PIEZO1: variants seen among roughly 807,000 people sequenced by gnomAD.
PIEZO1 encodes the protein piezo-type mechanosensitive ion channel component 1.
In PIEZO1, 296 loss-of-function variants were observed where a neutral mutation model predicts 297.2. That is an observed-to-expected ratio of 1.00 (90% CI 0.91 to 1.10). The LOEUF is 1.10. Among genes scored for constraint, PIEZO1 ranks in the 50% least tolerant of loss-of-function variants. PIEZO1 has a pLI of 0.00. For synonymous variants in PIEZO1, 2,427 were observed against 1,507.5 expected, an observed-to-expected ratio of 1.61 and a Z score of -14.13; for missense variants, 5,018 against 3,455.5, an observed-to-expected ratio of 1.45 and a Z score of -11.34.
At position 88,736,640 on chromosome 16, in the gene PIEZO1, A is replaced by G; in HGVS notation, c.1295T>C (p.Met432Thr). The part of the protein sequence containing the change: ...QSYVCALIAM[M>T]VWSITYHSWL... ...ACCCCAACCCCCACAGCCGCCTACC[A>G]TCATGGCAATGAGCGCGCACACATA... is the stretch of plus-strand genomic sequence containing the variant. Residue 432 changes from methionine (M) to threonine (T), a missense_variant and splice_region_variant, in exon 11 of 51, where the codon ATG becomes ACG. By Grantham distance (81) the Met-to-Thr change is moderately conservative. Coordinates refer to ENST00000301015, the MANE Select transcript of PIEZO1 (RefSeq NM_001142864.4). 8 of 1,523,822 alleles carry G rather than the reference A, an allele frequency of 5.2e-6. No individual in the cohort carries two copies. The highest frequency in any genetic ancestry group is 1.4e-5 in the African/African-American group (1 of 72,470). 94.4% of individuals were successfully genotyped at this position (1,523,822 alleles called of 1,614,324 possible).
intron 2 of PIEZO1, chr16:88,743,636 C>G (rs754845757): frequency 6.6e-6 from 3 of 456,498 alleles, no homozygotes; most frequent in South Asian, 1.5e-5. Flanking sequence ...CGGGATTGGC[C>G]TTGGACACTC....
chr16:88,784,839 G>T (rs920407541), intron 1 of PIEZO1, 62 bp downstream of exon 1: 55 of 1,235,284 alleles, frequency 4.5e-5, no homozygotes, highest in Non-Finnish European at 5.9e-5. Context: ...CCGGTGTCCA[G>T]GCCGTGGGGA....
At chr16:88,729,365 C>T (rs868677182) in intron 22 of PIEZO1, among the ~76,000 whole-genome samples, 1,866 of 41,106 alleles carry the variant, frequency 0.045, 15 homozygotes, top group African/African-American at 0.13. Flanking sequence ...CATGCTGAAC[C>T]CACAGCCCCA....
At chr16:88,775,950 G>A (rs1044811468) in intron 1 of PIEZO1, among the ~76,000 whole-genome samples, 5 of 152,220 alleles carry the variant, frequency 3.3e-5, no homozygotes, top group Non-Finnish European at 7.3e-5. Flanking sequence ...CCAGGTCACT[G>A]CAGATTAAAG....
rs1482723201 is a variant in PIEZO1 at position 88,780,001 on chromosome 16, C to T, written c.64+4900G>A. Among the ~76,000 whole-genome samples, 3 of 152,166 alleles carry T rather than the reference C, an allele frequency of 2.0e-5. No individual in the cohort carries two copies. In the South Asian group the frequency reaches 6.2e-4, roughly 32 times the overall value. On this transcript the variant is annotated intron_variant, in intron 1 of 50. Coordinates refer to ENST00000301015, the MANE Select transcript of PIEZO1 (RefSeq NM_001142864.4). ...CTTGGAAGCGGCTGTGAAGCTTTTACGGTGTCACTTACAGGGGAGGAAACC... is the reference window on the plus strand; with the variant it reads ...CTTGGAAGCGGCTGTGAAGCTTTTATGGTGTCACTTACAGGGGAGGAAACC...
intron 2 of PIEZO1, among the ~76,000 whole-genome samples, chr16:88,748,617 G>C (rs570196682): frequency 1.4e-4 from 22 of 152,212 alleles, no homozygotes; most frequent in African/African-American, 5.3e-4. Context: ...AACGTGCCTG[G>C]AGCCTGCAGA....
In PIEZO1 at chr16:88,785,203, G is replaced by T. The variant is rs886322008; in HGVS notation, c.-239C>A. 2.9e-5 allele frequency: 7 copies of T among 245,352 alleles called. No individual in the cohort carries two copies. The highest frequency in any genetic ancestry group is 1.6e-4 in the African/African-American group (7 of 43,800). The allele number at this position is 245,352 out of a possible 1,614,324, so 15.2% of individuals were successfully genotyped here. Reference sequence around the variant, plus strand: ...CGCTCGGCTCACTGGGGCCGAGCTGGGCCGGACGGCGGCTCCCGCCCTCCT... The same window carrying T: ...CGCTCGGCTCACTGGGGCCGAGCTGTGCCGGACGGCGGCTCCCGCCCTCCT... On this transcript the variant is annotated 5_prime_UTR_variant, in exon 1 of 51. Coordinates refer to ENST00000301015, the MANE Select transcript of PIEZO1 (RefSeq NM_001142864.4).
Position 88,767,041 on chromosome 16 carries a change from C to T in PIEZO1, c.65-17562G>A, listed in dbSNP as rs1437389937. On this transcript the variant is annotated intron_variant, in intron 1 of 50. Coordinates refer to ENST00000301015, the MANE Select transcript of PIEZO1 (RefSeq NM_001142864.4). ...CTGTGAGTGCCGCGACTGCTCTGCC[C>T]GCACGAGCCTATTCTACCAAGCACA... 2.6e-5 allele frequency among the ~76,000 whole-genome samples: 4 copies of T among 152,236 alleles called. No individual in the cohort carries two copies. The East Asian group carries it at 5.8e-4, about 22-fold the overall frequency.
chr16:88,716,941 G>T, intron 45 of PIEZO1, 43 bp from the exon 46 acceptor site: 1 of 1,546,814 alleles, frequency 6.5e-7, no homozygotes, highest in Non-Finnish European at 8.7e-7. Flanking sequence ...GATGAGCGTG[G>T]AGGAGCGGCT....
chr16:88,765,289 G>A (rs1184688115), intron 1 of PIEZO1, among the ~76,000 whole-genome samples: 2 of 152,218 alleles, frequency 1.3e-5, no homozygotes, highest in East Asian at 3.8e-4. Context: ...GGGTGTCACG[G>A]GCAGGTGTCT....
chr16:88,765,863 G>A (rs954539242), intron 1 of PIEZO1, among the ~76,000 whole-genome samples: 2 of 151,970 alleles, frequency 1.3e-5, no homozygotes, highest in African/African-American at 4.8e-5. Context: ...CAGTAGAGAT[G>A]GGGTTTCACC....
rs1159504934 is a variant in PIEZO1 at position 88,716,432 on chromosome 16, C to T, written c.6978G>A (p.Leu2326=). 1 of 1,549,720 alleles carries T rather than the reference C, an allele frequency of 6.5e-7. No homozygotes were observed. The highest frequency in any genetic ancestry group is 8.7e-7 in the Non-Finnish European group (1 of 1,146,704). ...GTGCAGTGCTGTTGGGGGCCAGGGC[C>T]AGCATGTGCTTCTCGTTGGCATACT... is the stretch of plus-strand genomic sequence containing the variant. The part of the protein sequence containing the change: ...TVEYANEKHM[L]ALAPNSTARR... Residue 2326 remains leucine, a synonymous_variant, in exon 48 of 51, where the codon CTG becomes CTA. Transcript: ENST00000301015.
intron 22 of PIEZO1, among the ~76,000 whole-genome samples, chr16:88,730,540 G>T (rs1434550965): frequency 2.1e-5 from 3 of 146,180 alleles, no homozygotes; most frequent in Non-Finnish European, 4.5e-5. Context: ...GGAGGCTGCA[G>T]TGAGCCGAGA....
chr16:88,723,319 G>T lies in PIEZO1; in HGVS notation c.4345C>A (p.Gln1449Lys). The T allele has an allele frequency of 2.6e-6, 4 of 1,538,392 alleles. No individual in the cohort carries two copies. The highest frequency in any genetic ancestry group is 3.5e-6 in the Non-Finnish European group (4 of 1,146,630). Residue 1449 changes from glutamine to lysine, a missense_variant, in exon 32 of 51, where the codon CAG becomes AAG. Transcript: ENST00000301015. The part of the protein sequence containing the change: ...SAQSAFQLAY[Q>K]AWVTNAQAVL... The stretch of plus-strand genomic sequence containing the variant: ...GCCTGGGCGTTGGTCACCCATGCCT[G>T]GTACGCCAGCTGTCGGCCAGCCCCC...
chr16:88,733,659 G>A lies in PIEZO1; in HGVS notation c.2416C>T (p.Leu806=), dbSNP rs1335715752. The A allele has an allele frequency of 1.3e-6, 2 of 1,549,830 alleles. No homozygotes were observed. Among genetic ancestry groups the A allele is most frequent in the Non-Finnish European group, 1.7e-6 (2 of 1,146,616 alleles). Residue 806 remains leucine, a synonymous_variant, in exon 18 of 51, where the codon CTG becomes TTG. Transcript: ENST00000301015. The part of the protein sequence containing the change: ...SDVLSRVQVF[L]RRLLELHVFK... ...ACGTGAAGCTCCAGCAGCCGCCGCA[G>A]GAACACCTGCACGCGTGAGAGGACG...
intron 23 of PIEZO1, 135 bp downstream of exon 23, chr16:88,727,421 CA>C (rs1349281876): frequency 3.1e-6 from 2 of 642,552 alleles, no homozygotes; most frequent in Non-Finnish European, 5.3e-6. Context: ...CGTGCGAGGT[CA>C]GGGCCTGCAG....
intron 2 of PIEZO1, among the ~76,000 whole-genome samples, chr16:88,748,297 C>T (rs1441517676): frequency 1.3e-4 from 1 of 7,852 alleles, no homozygotes; most frequent in African/African-American, 4.9e-4. Flanking sequence ...AAAACGTGGG[C>T]ACAAAATGGA....
chr16:88,740,024 T>G (rs1044640077), intron 5 of PIEZO1: 3 of 144,274 alleles, frequency 2.1e-5, no homozygotes, highest in African/African-American at 7.4e-5. Context: ...CGGCCCTGAC[T>G]TGGGGTGTGA....
intron 10 of PIEZO1, 123 bp downstream of exon 10, chr16:88,737,436 G>A (rs527876044): frequency 5.2e-5 from 34 of 658,848 alleles, no homozygotes; most frequent in East Asian, 2.6e-4. Context: ...CTGGGCCCCC[G>A]AGGGGGCGGC....
Sources: gnomAD v4.1 joint callset for allele counts (sites outside exome capture counted in the v4.1 genomes callset) on GRCh38, gnomAD v4.1.1 for gene constraint, MANE v1.5 for transcripts, NCBI Gene and HGNC (gene_info 2026-07-23, HGNC 2026-07-21) for gene names.